The following SLC37A2 variants were observed in gnomAD, a reference collection of about 807,000 sequenced individuals.
SLC37A2 encodes solute carrier family 37 member 2, also known as glucose-6-phosphate exchanger SLC37A2.
Under a neutral mutation model 70.7 loss-of-function variants are expected in SLC37A2, and 59 were observed. That is an observed-to-expected ratio of 0.83 (90% CI 0.68 to 1.04). The LOEUF is 1.04. SLC37A2 is among the 50% of genes least tolerant of loss of function. The pLI, the probability that SLC37A2 is intolerant of heterozygous loss-of-function variation, is 0.00. For missense variants in SLC37A2, 580 were observed against 658.1 expected (o/e 0.88, Z 1.30); for synonymous variants, 257 against 262.1 (o/e 0.98, Z 0.19).
intron 17 of SLC37A2, 190 bp downstream of exon 17, chr11:125,086,208 A>G: frequency 6.2e-7 from 1 of 1,612,566 alleles, no homozygotes; most frequent in Non-Finnish European, 8.5e-7. Flanking sequence ...CTATAGCTCT[A>G]GTATGGTCCT....
At chr11:125,081,985 G>A (rs1391046163) in intron 9 of SLC37A2, 79 bp downstream of exon 9, 1 of 1,480,696 alleles carries the variant, frequency 6.8e-7, no homozygotes, top group African/African-American at 1.4e-5. Flanking sequence ...GGGGTGCTTG[G>A]GTGATCTATT....
At chr11:125,069,413 C>T (rs934536058) in intron 1 of SLC37A2, among the ~76,000 whole-genome samples, 3 of 152,240 alleles carry the variant, frequency 2.0e-5, no homozygotes, top group Admixed American at 6.5e-5. Context: ...CTCCCAGGCT[C>T]AATTTCCTTA....
At position 125,079,709 on chromosome 11, in the gene SLC37A2, C is replaced by G. The variant is rs146462805; in HGVS notation, c.476C>G (p.Thr159Arg). ...GTCTGTAATGGACTCGTCCAGACCA[C>G]AGGCTGGCCCTCTGTGGTGACCTGT... ...IQVCNGLVQT[T>R]GWPSVVTCVG... is the part of the protein sequence containing the mutation. Residue 159 changes from threonine to arginine, a missense_variant, in exon 6 of 18, where the codon ACA becomes AGA. Transcript: ENST00000403796. 98 of 1,608,502 alleles carry G rather than the reference C, an allele frequency of 6.1e-5. No individual in the cohort carries two copies. Among genetic ancestry groups the G allele is most frequent in the Admixed American group, 8.4e-5 (5 of 59,266 alleles).
At chr11:125,077,625 G>A in intron 4 of SLC37A2, 97 bp downstream of exon 4, 4 of 907,888 alleles carry the variant, frequency 4.4e-6, no homozygotes, top group Non-Finnish European at 6.7e-6. Context: ...TGAGCCCAGG[G>A]ATGCTGCATG....
chr11:125,064,299 C>T (rs1948960822), intron 1 of SLC37A2, among the ~76,000 whole-genome samples: 1 of 152,112 alleles, frequency 6.6e-6, no homozygotes, highest in Non-Finnish European at 1.5e-5. Context: ...AGTTCGAGAC[C>T]AGCCTGGCCA....
intron 1 of SLC37A2, among the ~76,000 whole-genome samples, chr11:125,075,408 T>C (rs1236209792): frequency 6.6e-6 from 1 of 152,230 alleles, no homozygotes; most frequent in Non-Finnish European, 1.5e-5. Flanking sequence ...CCAGCTTCCC[T>C]AGACAACTTG....
rs545305563 is a variant in SLC37A2, at chr11:125,085,544, G to C, written c.1328-33G>C. 1.2e-5 allele frequency: 19 copies of C among 1,612,844 alleles called. No homozygotes were observed. The East Asian group carries it at 2.5e-4, about 21-fold the overall frequency. ...CCCTCCGGTGGGCAGGGGAGGTGCAGGACCCCTGCTCACGAGGCTGTGCTC... is the reference window on the plus strand; with the variant it reads ...CCCTCCGGTGGGCAGGGGAGGTGCACGACCCCTGCTCACGAGGCTGTGCTC... On this transcript the variant is annotated intron_variant, in intron 15 of 17. Coordinates refer to ENST00000403796, the MANE Select transcript of SLC37A2 (RefSeq NM_001145290.2).
rs752330344 is a variant in SLC37A2, at chr11:125,084,858, A to C, written c.1159A>C (p.Ile387Leu). Residue 387 changes from isoleucine to leucine, a missense_variant, in exon 13 of 18, where the codon ATT becomes CTT. Transcript: ENST00000403796. Reference protein sequence around the residue: ...FLYNYIGQDGIASSIVMLIIC... With the variant: ...FLYNYIGQDGLASSIVMLIIC... ...GTACAACTACATTGGCCAGGACGGG[A>C]TTGCCAGCTCCATAGGTGAGGAGGA... 7 of 1,613,648 alleles carry C rather than the reference A, an allele frequency of 4.3e-6. No individual in the cohort carries two copies. The East Asian group carries it at 1.6e-4, about 36-fold the overall frequency.
rs1182126933 is a variant in SLC37A2, at chr11:125,083,588, T to A, written c.977-227T>A. 6.6e-6 allele frequency among the ~76,000 whole-genome samples: 1 copy of A among 151,938 alleles called. No homozygotes were observed. On this transcript the variant is annotated intron_variant, in intron 10 of 17. Transcript: ENST00000403796. This position sits in a 1 kb window ranked among gnomAD's most constrained non-coding sequence, Gnocchi z 4.6. The stretch of plus-strand genomic sequence containing the variant: ...GAGGGCTTGTTCTGAGAGGTGAAGG[T>A]CATCCTGCAGGGGAAGAGGGCAACA...
chr11:125,080,617 G>A lies in SLC37A2; in HGVS notation c.531G>A (p.Arg177=). ...CCCTTCTCTCCCTCCCTTCCAGGCG[G>A]GGGTTCATCATGGGCATCTGGAATT... ...CVGNWFGKGK[R]GFIMGIWNSH... Residue 177 remains arginine (R), a synonymous_variant, in exon 7 of 18, where the codon CGG becomes CGA. Transcript: ENST00000403796. This position sits in a 1 kb window ranked among gnomAD's most constrained non-coding sequence, Gnocchi z 4.3. 1.3e-6 allele frequency: 2 copies of A among 1,498,330 alleles called. No individual in the cohort carries two copies. The highest frequency in any genetic ancestry group is 2.7e-5 in the South Asian group (2 of 75,406). 92.8% of individuals were successfully genotyped at this position (1,498,330 alleles called of 1,614,324 possible). A position where few individuals can be genotyped will look rare whatever the true frequency, so the allele number is the denominator to read the frequency against.
At chr11:125,070,025 T>C (rs1949015599) in intron 1 of SLC37A2, among the ~76,000 whole-genome samples, 1 of 152,176 alleles carries the variant, frequency 6.6e-6, no homozygotes, top group African/African-American at 2.4e-5. Context: ...CTTATGGGGC[T>C]GGGCCCATTT....
Position 125,086,061 on chromosome 11 carries a change from T to TACCAAC in SLC37A2, c.1490+43_1490+44insACCAAC, listed in dbSNP as rs1233216511. ...AAGCTGCCCCTCTACCAACCTCATT[T>TACCAAC]CTCGTGGGAATCAGCCCAGCGCTCA... On this transcript the variant is annotated intron_variant, in intron 17 of 17. Transcript: ENST00000403796. 4 of 1,596,614 alleles carry TACCAAC rather than the reference T, an allele frequency of 2.5e-6. No individual in the cohort carries two copies. The African/African-American group carries it at 5.4e-5, about 21-fold the overall frequency.
chr11:125,080,504 G>A lies in SLC37A2; in HGVS notation c.528-110G>A, dbSNP rs538125291. On this transcript the variant is annotated intron_variant, in intron 6 of 17. Coordinates refer to ENST00000403796, the MANE Select transcript of SLC37A2 (RefSeq NM_001145290.2). The surrounding 1 kb of genome is among the most constrained non-coding windows in gnomAD (Gnocchi z 4.3). ...GCTTTGGGGCTGTCTTTGGTGCCTC[G>A]GGGAAGCTGTAGTCAGCCCAGCTTT... is the stretch of plus-strand genomic sequence containing the variant. 8.3e-5 allele frequency: 89 copies of A among 1,077,244 alleles called. 1 individual carries two copies. The East Asian group carries it at 2.3e-3, about 27-fold the overall frequency. The allele number at this position is 1,077,244 out of a possible 1,614,324, so 66.7% of individuals were successfully genotyped here.
Position 125,063,314 on chromosome 11 carries a change from G to T in SLC37A2, c.-54G>T. The T allele has an allele frequency of 4.6e-6, 7 of 1,513,820 alleles. No individual in the cohort carries two copies. The highest frequency in any genetic ancestry group is 6.4e-6 in the Non-Finnish European group (7 of 1,101,470). The allele number at this position is 1,513,820 out of a possible 1,614,324, so 93.8% of individuals were successfully genotyped here. A position where few individuals can be genotyped will look rare whatever the true frequency, so the allele number is the denominator to read the frequency against. On this transcript the variant is annotated 5_prime_UTR_variant, in exon 1 of 18. Transcript: ENST00000403796. This position sits in a 1 kb window ranked among gnomAD's most constrained non-coding sequence, Gnocchi z 5.4. ...ACAGCCAGTCCAGCCCGGGACACGC[G>T]CCCAGCTCTGTAGCCTCCTCCGTCG...
chr11:125,072,287 G>A (rs1949036638), intron 1 of SLC37A2, among the ~76,000 whole-genome samples: 1 of 152,226 alleles, frequency 6.6e-6, no homozygotes, highest in Non-Finnish European at 1.5e-5. Flanking sequence ...CTTCGAAAGA[G>A]TAGGTTGGAC....
In SLC37A2 at chr11:125,090,032, GTT is replaced by G. The variant is rs1773105492; in HGVS notation, c.*1900_*1901del. 1 of 152,286 alleles carries G rather than the reference GTT, an allele frequency of 6.6e-6. No individual in the cohort carries two copies. Among genetic ancestry groups the G allele is most frequent in the African/African-American group, 2.4e-5 (1 of 41,450 alleles). 9.4% of individuals were successfully genotyped at this position (152,286 alleles called of 1,614,324 possible). On this transcript the variant is annotated 3_prime_UTR_variant, in exon 18 of 18. Transcript: ENST00000403796. ...GTAAACACACCAATCAGCACCCTGT[GTT>G]TAGCTCAAGGTTTGTGAGTGCACCA...
At chr11:125,076,910 C>A in intron 2 of SLC37A2, 72 bp downstream of exon 2, 1 of 1,482,128 alleles carries the variant, frequency 6.7e-7, no homozygotes, top group South Asian at 1.1e-5. Flanking sequence ...TTCCCATGGC[C>A]ACCGAGGTTG....
chr11:125,081,020 C>G (rs560023267), intron 7 of SLC37A2, among the ~76,000 whole-genome samples: 1 of 152,266 alleles, frequency 6.6e-6, no homozygotes, highest in South Asian at 2.1e-4. Context: ...GCCAGGCCCA[C>G]AGGAGGTGCT....
chr11:125,086,190 G>A (rs200684744), intron 17 of SLC37A2, 172 bp downstream of exon 17: 6 of 1,610,268 alleles, frequency 3.7e-6, no homozygotes, highest in Admixed American at 1.7e-5. Context: ...TGTTGTCCCC[G>A]TGTATCTCTA....
Sources: allele counts gnomAD v4.1 joint callset (sites outside exome capture counted in the v4.1 genomes callset), GRCh38; gene constraint gnomAD v4.1.1; non-coding constraint Gnocchi (gnomAD v3.1); transcripts MANE v1.5; gene names NCBI Gene and HGNC (gene_info 2026-07-23, HGNC 2026-07-21).